Variants in AADACL2 observed in about 807,000 individuals in gnomAD.
AADACL2 encodes the protein arylacetamide deacetylase like 2, also known as arylacetamide deacetylase-like 2.
A neutral mutation model predicts 22.3 loss-of-function variants in AADACL2; 23 were observed. The observed-to-expected ratio is 1.03, with a 90% confidence interval of 0.74 to 1.46. The LOEUF is 1.46. AADACL2 is among the 40% of genes most tolerant of loss of function. The probability of loss-of-function intolerance (pLI) is 0.00; values close to 1 mark genes in which losing one functional copy is unlikely to be tolerated. For synonymous variants in AADACL2, 177 were observed against 166.2 expected (o/e 1.07, Z -0.50); for missense variants, 472 against 482.9 (o/e 0.98, Z 0.21).
chr3:151,746,106 T>A (rs1220755832), intron 4 of AADACL2, among the ~76,000 whole-genome samples: 1 of 152,144 alleles, frequency 6.6e-6, no homozygotes, highest in African/African-American at 2.4e-5. Context: ...CTTTATTAGA[T>A]CCTCTTCAAT....
chr3:151,746,374 T>C (rs1036343670), intron 4 of AADACL2, among the ~76,000 whole-genome samples: 1 of 150,948 alleles, frequency 6.6e-6, no homozygotes, highest in Non-Finnish European at 1.5e-5. Flanking sequence ...TGTTTTTTTT[T>C]TTTTTAGTTT....
intron 4 of AADACL2, among the ~76,000 whole-genome samples, chr3:151,754,567 T>C (rs1002882698): frequency 2.6e-5 from 4 of 152,108 alleles, no homozygotes; most frequent in Non-Finnish European, 4.4e-5. Flanking sequence ...ATCCATTGTG[T>C]TTTCATGAAA....
chr3:151,760,018 T>G lies in AADACL2; in HGVS notation c.*2424T>G, dbSNP rs572262523. ...TTCAATACATATCATGTATAGTGAT[T>G]ATATCAGGGTAATCGGCACATCATC... On this transcript the variant is annotated 3_prime_UTR_variant, in exon 5 of 5. Transcript: ENST00000356517. The G allele has an allele frequency of 2.0e-5, 3 of 152,328 alleles. No individual in the cohort carries two copies. The South Asian group carries it at 6.2e-4, about 32-fold the overall frequency. 9.4% of individuals were successfully genotyped at this position (152,328 alleles called of 1,614,324 possible).
chr3:151,746,808 T>G (rs1206082956), intron 4 of AADACL2, among the ~76,000 whole-genome samples: 1 of 152,130 alleles, frequency 6.6e-6, no homozygotes, highest in Non-Finnish European at 1.5e-5. Flanking sequence ...TCTTGATGAA[T>G]TAAAATTTTT....
chr3:151,757,629 G>T lies in AADACL2; in HGVS notation c.*35G>T, dbSNP rs777350667. ...GTGTATGTATAGCCCTTACATAGTG[G>T]ATTGTAATTTGTGATATTTTGTGGT... is the stretch of plus-strand genomic sequence containing the variant. On this transcript the variant is annotated 3_prime_UTR_variant, in exon 5 of 5. Transcript: ENST00000356517. 2 of 1,538,822 alleles carry T rather than the reference G, an allele frequency of 1.3e-6. No homozygotes were observed. The highest frequency in any genetic ancestry group is 2.0e-5 in the Admixed American group (1 of 49,150).
Position 151,743,000 on chromosome 3 carries a change from AT to A in AADACL2, c.362-1083del, listed in dbSNP as rs530805694. 1.5e-3 allele frequency among the ~76,000 whole-genome samples: 229 copies of A among 149,286 alleles called. 6 individuals are homozygous for A. In the South Asian group the frequency reaches 0.044, roughly 29 times the overall value. ...AAGGCTATGTCTCCCTAATCTGCAG[AT>A]TTTTTTTTTAATAGAAATTAAAGCT... is the stretch of plus-strand genomic sequence containing the variant. On this transcript the variant is annotated intron_variant, in intron 2 of 4. Coordinates refer to ENST00000356517, the MANE Select transcript of AADACL2 (RefSeq NM_207365.4).
chr3:151,742,450 G>A (rs1240117232), intron 2 of AADACL2, among the ~76,000 whole-genome samples: 1 of 152,060 alleles, frequency 6.6e-6, no homozygotes, highest in African/African-American at 2.4e-5. Flanking sequence ...ACAAAAATAT[G>A]GCTTTAATTC....
At chr3:151,747,386 C>G (rs1228211261) in intron 4 of AADACL2, among the ~76,000 whole-genome samples, 5 of 152,180 alleles carry the variant, frequency 3.3e-5, no homozygotes, top group African/African-American at 1.2e-4. Context: ...CAATATCTCC[C>G]TGTTCTCCCC....
intron 3 of AADACL2, among the ~76,000 whole-genome samples, chr3:151,744,776 A>C (rs1713384321): frequency 6.6e-6 from 1 of 152,130 alleles, no homozygotes; most frequent in Non-Finnish European, 1.5e-5. Flanking sequence ...TATTACCAAC[A>C]TTTCATATTG....
rs894656671 is a variant in AADACL2 at position 151,760,055 on chromosome 3, T to A, written c.*2461T>A. 1.3e-5 allele frequency: 2 copies of A among 152,104 alleles called. No homozygotes were observed. The highest frequency in any genetic ancestry group is 2.9e-5 in the Non-Finnish European group (2 of 68,024). 9.4% of individuals were successfully genotyped at this position (152,104 alleles called of 1,614,324 possible). On this transcript the variant is annotated 3_prime_UTR_variant, in exon 5 of 5. Coordinates refer to ENST00000356517, the MANE Select transcript of AADACL2 (RefSeq NM_207365.4). ...ATCGGCACATCATCTCAAACATTTA[T>A]CATTTCTTTGTGTTGGGAATTTCAA...
chr3:151,759,062 A>T lies in AADACL2; in HGVS notation c.*1468A>T, dbSNP rs1205550968. ...TTCAGTACCCCAAAGCTAAAAACGC[A>T]AACATGACTATGACAAATGAAAATA... On this transcript the variant is annotated 3_prime_UTR_variant, in exon 5 of 5. Coordinates refer to ENST00000356517, the MANE Select transcript of AADACL2 (RefSeq NM_207365.4). The T allele has an allele frequency of 1.3e-5, 2 of 152,164 alleles. No individual in the cohort carries two copies. The highest frequency in any genetic ancestry group is 6.5e-5 in the Admixed American group (1 of 15,270). 9.4% of individuals were successfully genotyped at this position (152,164 alleles called of 1,614,324 possible).
intron 4 of AADACL2, chr3:151,755,097 C>T (rs891773741): frequency 2.6e-5 from 4 of 151,990 alleles, no homozygotes; most frequent in Non-Finnish European, 5.9e-5. Context: ...TACTGTTTCT[C>T]GGATCCTATT....
chr3:151,737,052 C>T (rs1452789889), intron 1 of AADACL2, among the ~76,000 whole-genome samples: 4 of 152,092 alleles, frequency 2.6e-5, no homozygotes, highest in South Asian at 2.1e-4. Context: ...TTGCGATGTT[C>T]GAGTGTCAAT....
rs566214366 is a variant in AADACL2, at chr3:151,743,652, A to G, written c.362-441A>G. Among the ~76,000 whole-genome samples, 10 of 152,304 alleles carry G rather than the reference A, an allele frequency of 6.6e-5. No homozygotes were observed. The South Asian group carries it at 1.9e-3, about 28-fold the overall frequency. ...AGAACGATGTTTAGAGACTCAATAC[A>G]TACTATTACTTTCTTTTTCCTCCGA... On this transcript the variant is annotated intron_variant, in intron 2 of 4. Transcript: ENST00000356517.
chr3:151,755,211 T>G (rs1256250204), intron 4 of AADACL2: 1 of 150,076 alleles, frequency 6.7e-6, no homozygotes. Context: ...ATTTTTCTAT[T>G]TTCCCATATG....
chr3:151,749,563 C>T (rs13070462), intron 4 of AADACL2, among the ~76,000 whole-genome samples: 8 of 151,636 alleles, frequency 5.3e-5, no homozygotes, highest in African/African-American at 1.5e-4. Flanking sequence ...GCTCACTGCA[C>T]GCTCTGCCTC....
intron 4 of AADACL2, among the ~76,000 whole-genome samples, chr3:151,749,574 C>T (rs968357197): frequency 6.6e-6 from 1 of 152,102 alleles, no homozygotes; most frequent in African/African-American, 2.4e-5. Flanking sequence ...GCTCTGCCTC[C>T]CGGGTTCATG....
At chr3:151,741,912 A>G (rs1713290068) in intron 2 of AADACL2, among the ~76,000 whole-genome samples, 1 of 152,150 alleles carries the variant, frequency 6.6e-6, no homozygotes, top group South Asian at 2.1e-4. Flanking sequence ...AACTGTGAGA[A>G]TTATTATTCA....
intron 4 of AADACL2, among the ~76,000 whole-genome samples, chr3:151,747,266 T>G (rs1713484553): frequency 6.6e-6 from 1 of 152,200 alleles, no homozygotes. Flanking sequence ...GTTTAAGATC[T>G]GTCTTAGCAA....
Sources: allele counts gnomAD v4.1 joint callset (sites outside exome capture counted in the v4.1 genomes callset), GRCh38; gene constraint gnomAD v4.1.1; transcripts MANE v1.5; gene names NCBI Gene and HGNC (gene_info 2026-07-23, HGNC 2026-07-21).